The following FARP2 variants were observed in gnomAD, a reference collection of about 807,000 sequenced individuals.
The protein encoded by FARP2 is FERM, ARHGEF and pleckstrin domain-containing protein 2.
FARP2 carries 111 observed loss-of-function variants against 130.5 expected under a neutral mutation model. That is an observed-to-expected ratio of 0.85 (90% CI 0.73 to 1.00). FARP2 has a LOEUF of 1.00. FARP2 is among the 50% of genes least tolerant of loss of function. The pLI, the probability that FARP2 is intolerant of heterozygous loss-of-function variation, is 0.00. For synonymous variants in FARP2, 504 were observed against 516.9 expected (o/e 0.98, Z 0.34); for missense variants, 1,385 against 1,346.3 (o/e 1.03, Z -0.45).
chr2:241,434,307 C>G lies in FARP2; in HGVS notation c.1017C>G (p.Ser339=). ...AAGCCGTCTTCTTCAGCCGGGGCTC[C>G]TCCTTCAGATACAGGTAGGGGCCAT... is the stretch of plus-strand genomic sequence containing the variant. ...KAKAVFFSRG[S]SFRYSGRTQK... The change falls in exon 10 of 27, where the codon TCC becomes TCG. Residue 339 remains serine, a synonymous_variant. Coordinates refer to ENST00000264042, the MANE Select transcript of FARP2 (RefSeq NM_014808.4). The G allele has an allele frequency of 6.2e-7, 1 of 1,612,022 alleles. No individual in the cohort carries two copies. Among genetic ancestry groups the G allele is most frequent in the Non-Finnish European group, 8.5e-7 (1 of 1,179,356 alleles).
At chr2:241,375,496 A>C (rs888987959) in intron 2 of FARP2, among the ~76,000 whole-genome samples, 1 of 152,216 alleles carries the variant, frequency 6.6e-6, no homozygotes, top group Admixed American at 6.5e-5. Flanking sequence ...AGTCATAAAT[A>C]AGATGTAAAT....
Position 241,357,776 on chromosome 2 carries a change from C to T in FARP2, c.-25+1388C>T, listed in dbSNP as rs146816310. Among the ~76,000 whole-genome samples, 468 of 152,290 alleles carry T rather than the reference C, an allele frequency of 3.1e-3. 2 individuals carry two copies. Among genetic ancestry groups the T allele is most frequent in the African/African-American group, 0.011 (452 of 41,552 alleles). ...TGCAGACGTTTGCTGGCTTATTTAC[C>T]TATAGGACTATCAGTCGTTAGTAAA... On this transcript the variant is annotated intron_variant, in intron 1 of 26. Transcript: ENST00000264042.
At chr2:241,385,038 A>G (rs1358196309) in intron 2 of FARP2, among the ~76,000 whole-genome samples, 3 of 152,232 alleles carry the variant, frequency 2.0e-5, no homozygotes, top group Admixed American at 1.3e-4. Context: ...TCCTAACATC[A>G]TATAAAATTA....
Position 241,387,606 on chromosome 2 carries a change from A to G in FARP2, c.183+14316A>G, listed in dbSNP as rs186123733. ...CAGGAGATCGAGACCATCCTGGCTA[A>G]CACGGTGAAACCCCGTCTCTACTAA... On this transcript the variant is annotated intron_variant, in intron 2 of 26. Transcript: ENST00000264042. Among the ~76,000 whole-genome samples, 1,270 of 152,208 alleles carry G rather than the reference A, an allele frequency of 8.3e-3. 23 individuals carry two copies. The highest frequency in any genetic ancestry group is 0.029 in the African/African-American group (1,195 of 41,528).
chr2:241,454,191 A>G (rs1574857527), intron 13 of FARP2, among the ~76,000 whole-genome samples: 1 of 152,080 alleles, frequency 6.6e-6, no homozygotes, highest in South Asian at 2.1e-4. Context: ...CCTCGTGAGT[A>G]TGCCGTTTCC....
chr2:241,409,812 C>T (rs1219811573), intron 5 of FARP2, among the ~76,000 whole-genome samples: 2 of 152,096 alleles, frequency 1.3e-5, no homozygotes, highest in Non-Finnish European at 1.5e-5. Context: ...CTAAATTAGG[C>T]TGTAACATAA....
intron 16 of FARP2, 144 bp downstream of exon 16, chr2:241,463,612 C>A: frequency 2.2e-6 from 2 of 900,546 alleles, no homozygotes; most frequent in Non-Finnish European, 3.3e-6. Context: ...GGGAGAGGTA[C>A]AGATGTAATA....
At chr2:241,391,393 CCTT>C (rs2150328311) in intron 2 of FARP2, among the ~76,000 whole-genome samples, 1 of 152,260 alleles carries the variant, frequency 6.6e-6, no homozygotes, top group South Asian at 2.1e-4. Context: ...TGGGGTGTGT[CCTT>C]CTTGATGTGC....
In FARP2 at chr2:241,456,901, C is replaced by G; in HGVS notation, c.1566C>G (p.Asp522Glu). Residue 522 changes from aspartate (D) to glutamate (E), a missense_variant, in exon 14 of 27, where the codon GAC becomes GAG. Asp to Glu is a conservative substitution (Grantham distance 45, BLOSUM62 2). Transcript: ENST00000264042. The stretch of plus-strand genomic sequence containing the variant: ...GTGATGCTGGCGGAGCCGGGATGGA[C>G]TGCGAGGAGCCCAGACACAAGGTGG... ...VLSDAGGAGMDCEEPRHKRVP... is the reference protein window; with the variant it reads ...VLSDAGGAGMECEEPRHKRVP... 1 of 1,604,136 alleles carries G rather than the reference C, an allele frequency of 6.2e-7. No homozygotes were observed. The highest frequency in any genetic ancestry group is 8.5e-7 in the Non-Finnish European group (1 of 1,174,768).
At chr2:241,409,048 A>ATAGATAGATAGT (rs2062443875) in intron 5 of FARP2, among the ~76,000 whole-genome samples, 1 of 151,398 alleles carries the variant, frequency 6.6e-6, no homozygotes, top group Non-Finnish European at 1.5e-5. Flanking sequence ...TGATAGATAG[A>ATAGATAGATAGT]TAGATAGATA....
intron 12 of FARP2, among the ~76,000 whole-genome samples, chr2:241,437,855 CG>C (rs1438129775): frequency 6.6e-6 from 1 of 151,710 alleles, no homozygotes; most frequent in Non-Finnish European, 1.5e-5. Flanking sequence ...TTAGTAGAGA[CG>C]GGGTTTCACT....
intron 8 of FARP2, among the ~76,000 whole-genome samples, chr2:241,422,390 G>A (rs1239436404): frequency 1.3e-5 from 2 of 150,576 alleles, no homozygotes; most frequent in African/African-American, 4.9e-5. Context: ...GTGACAAAGT[G>A]AGACCCTGTA....
chr2:241,431,583 T>C, intron 8 of FARP2, 96 bp from the exon 9 acceptor site: 1 of 694,540 alleles, frequency 1.4e-6, no homozygotes, highest in Non-Finnish European at 2.6e-6. Flanking sequence ...AGTAGAGTGC[T>C]GTGTTGGCAA....
intron 17 of FARP2, chr2:241,466,032 T>C: frequency 7.7e-7 from 1 of 1,297,418 alleles, no homozygotes; most frequent in Admixed American, 3.2e-5. Flanking sequence ...TGATCCAGAT[T>C]ATCATACTGT....
At position 241,463,504 on chromosome 2, in the gene FARP2, A is replaced by G. The variant is rs746660909; in HGVS notation, c.1811+36A>G. ...TTCAGCCCCCACACGGGAGACTCCC[A>G]CACCAACTCATCATCACCGCTCTTA... On this transcript the variant is annotated intron_variant, in intron 16 of 26. Coordinates refer to ENST00000264042, the MANE Select transcript of FARP2 (RefSeq NM_014808.4). 4.4e-6 allele frequency: 7 copies of G among 1,598,808 alleles called. No homozygotes were observed. The East Asian group carries it at 1.3e-4, about 31-fold the overall frequency.
At chr2:241,367,542 A>G (rs1345069392) in intron 1 of FARP2, among the ~76,000 whole-genome samples, 3 of 152,174 alleles carry the variant, frequency 2.0e-5, no homozygotes, top group African/African-American at 7.2e-5. Context: ...CATCATCAGC[A>G]GTGAAGTTTC....
chr2:241,461,147 A>G (rs920093797), intron 14 of FARP2, among the ~76,000 whole-genome samples: 11 of 152,112 alleles, frequency 7.2e-5, no homozygotes, highest in Non-Finnish European at 1.6e-4. Flanking sequence ...CCAAACCTCC[A>G]GTCATGGCAG....
chr2:241,409,041 TAGA>T lies in FARP2; in HGVS notation c.410+1427_410+1429del, dbSNP rs2062443379. ...TAGAGATAGATAGATAGATAGATGATAGATAGATAGATAGATAGATAGATAGAT... is the reference window on the plus strand; with the variant it reads ...TAGAGATAGATAGATAGATAGATGATTAGATAGATAGATAGATAGATAGAT... On this transcript the variant is annotated intron_variant, in intron 5 of 26. Coordinates refer to ENST00000264042, the MANE Select transcript of FARP2 (RefSeq NM_014808.4). Among the ~76,000 whole-genome samples the T allele has an allele frequency of 3.8e-5, 5 of 129,936 alleles. No individual in the cohort carries two copies. The South Asian group carries it at 1.3e-3, about 33-fold the overall frequency. The allele number at this position is 129,936 out of a possible 152,430, so 85.2% of individuals were successfully genotyped here.
intron 12 of FARP2, among the ~76,000 whole-genome samples, chr2:241,439,267 C>G (rs1206981234): frequency 1.3e-5 from 2 of 152,142 alleles, no homozygotes; most frequent in Non-Finnish European, 2.9e-5. Flanking sequence ...ATCCTTCTGC[C>G]TCAGCCTCCC....
Sources: allele counts gnomAD v4.1 joint callset (sites outside exome capture counted in the v4.1 genomes callset), GRCh38; gene constraint gnomAD v4.1.1; transcripts MANE v1.5; gene names NCBI Gene and HGNC (gene_info 2026-07-23, HGNC 2026-07-21).